The following CNGB1 variants were observed in gnomAD, a reference collection of about 807,000 sequenced individuals.
The protein encoded by CNGB1 is cyclic nucleotide-gated channel beta-1.
CNGB1 carries 126 observed loss-of-function variants against 151.7 expected under a neutral mutation model. The observed-to-expected ratio is 0.83, with a 90% CI of 0.72 to 0.96. The LOEUF (loss-of-function observed/expected upper bound fraction) is 0.96. Among genes scored for constraint, CNGB1 ranks in the 40% least tolerant of loss-of-function variants. CNGB1 has a pLI of 0.00. For missense variants in CNGB1, 1,698 were observed against 1,627.0 expected (o/e 1.04, Z -0.75); for synonymous variants, 623 against 635.1 (o/e 0.98, Z 0.29).
intron 18 of CNGB1, 58 bp downstream of exon 18, chr16:57,923,215 C>A (rs1005804472): frequency 2.3e-5 from 30 of 1,308,174 alleles, no homozygotes; most frequent in African/African-American, 1.5e-4. Flanking sequence ...CTAGCCCCCC[C>A]ACATCCCCCA....
intron 16 of CNGB1, among the ~76,000 whole-genome samples, chr16:57,933,369 C>A (rs1961410425): frequency 6.6e-6 from 1 of 152,176 alleles, no homozygotes; most frequent in Non-Finnish European, 1.5e-5. Context: ...CCAGGGGCCC[C>A]CAAATTCATC....
At position 57,911,016 on chromosome 16, in the gene CNGB1, CTGAT is replaced by C. The variant is rs540879191; in HGVS notation, c.2492+733_2492+736del. Reference sequence around the variant, plus strand: ...AAGTCTCATAATGGATGGTGGCTCTCTGATTGGCAAGTGGGTCTCACCTCATTCG... The same window carrying C: ...AAGTCTCATAATGGATGGTGGCTCTCTGGCAAGTGGGTCTCACCTCATTCG... On this transcript the variant is annotated intron_variant, in intron 25 of 32. Coordinates refer to ENST00000251102, the MANE Select transcript of CNGB1 (RefSeq NM_001297.5). Among the ~76,000 whole-genome samples, 13 of 152,272 alleles carry C rather than the reference CTGAT, an allele frequency of 8.5e-5. No individual in the cohort carries two copies. In the East Asian group the frequency reaches 2.5e-3, roughly 29 times the overall value.
At position 57,917,339 on chromosome 16, in the gene CNGB1, C is replaced by T. The variant is rs746268207; in HGVS notation, c.2095G>A (p.Asp699Asn). 2.5e-6 allele frequency: 4 copies of T among 1,614,030 alleles called. No homozygotes were observed. The highest frequency in any genetic ancestry group is 1.1e-5 in the South Asian group (1 of 91,080). The part of the protein sequence containing the change: ...HHWLLMDYLC[D>N]LIYFLDITVF... Reference sequence around the variant, plus strand: ...GTGATGTCCAGGAAGTAGATGAGGTCGCATAGGTAATCCATCAGCAGCCAG... The same window carrying T: ...GTGATGTCCAGGAAGTAGATGAGGTTGCATAGGTAATCCATCAGCAGCCAG... Residue 699 changes from aspartate (D) to asparagine (N), a missense_variant, in exon 21 of 33, where the codon GAC (aspartate) becomes AAC (asparagine). Asp to Asn is a conservative substitution (Grantham distance 23, BLOSUM62 1). Coordinates refer to ENST00000251102, the MANE Select transcript of CNGB1 (RefSeq NM_001297.5).
intron 29 of CNGB1, among the ~76,000 whole-genome samples, chr16:57,898,386 T>C (rs1960292302): frequency 8.1e-6 from 1 of 123,436 alleles, no homozygotes; most frequent in African/African-American, 5.8e-5. Flanking sequence ...CAAATTGCCT[T>C]TTTTTTTTTG....
intron 17 of CNGB1, among the ~76,000 whole-genome samples, chr16:57,928,729 G>A (rs76376266): frequency 1.3e-4 from 19 of 151,952 alleles, no homozygotes; most frequent in Non-Finnish European, 2.1e-4. Flanking sequence ...CCGCTGCCTC[G>A]CAGGTTCAAA....
chr16:57,941,452 C>T (rs1218051215), intron 14 of CNGB1, among the ~76,000 whole-genome samples: 2 of 152,176 alleles, frequency 1.3e-5, no homozygotes, highest in Admixed American at 6.6e-5. Context: ...TGGAGCCAGC[C>T]GCTTGGCAGC....
intron 18 of CNGB1, among the ~76,000 whole-genome samples, chr16:57,921,030 T>C (rs980397040): frequency 2.0e-5 from 3 of 152,162 alleles, no homozygotes; most frequent in Non-Finnish European, 4.4e-5. Context: ...GGAATTAAAG[T>C]TTCTGCACTG....
At chr16:57,943,772 G>A (rs987885889) in intron 14 of CNGB1, among the ~76,000 whole-genome samples, 9 of 152,130 alleles carry the variant, frequency 5.9e-5, no homozygotes, top group Admixed American at 3.3e-4. Context: ...AAAAGAATAC[G>A]GAAGTTCCAC....
In CNGB1 at chr16:57,939,408, TCAC is replaced by T. The variant is rs751490125; in HGVS notation, c.1372+19_1372+21del. On this transcript the variant is annotated intron_variant, in intron 16 of 32. Coordinates refer to ENST00000251102, the MANE Select transcript of CNGB1 (RefSeq NM_001297.5). ...ACCTCAGACATTCTTGCGCAACCCATCACCACCACCACCACACCTACCTCCTGA... is the reference window on the plus strand; with the variant it reads ...ACCTCAGACATTCTTGCGCAACCCATCACCACCACCACACCTACCTCCTGA... 1.8e-5 allele frequency: 29 copies of T among 1,613,062 alleles called. No homozygotes were observed. Among genetic ancestry groups the T allele is most frequent in the African/African-American group, 4.0e-5 (3 of 74,814 alleles).
At chr16:57,895,028 AG>A (rs140127612) in intron 31 of CNGB1, among the ~76,000 whole-genome samples, 16,393 of 152,264 alleles carry the variant, frequency 0.11, 962 homozygotes, top group Middle Eastern at 0.2. Flanking sequence ...AACTCTACCT[AG>A]AAGCCTTACT....
intron 16 of CNGB1, among the ~76,000 whole-genome samples, chr16:57,939,211 A>C (rs1422430598): frequency 6.6e-6 from 1 of 152,120 alleles, no homozygotes; most frequent in Non-Finnish European, 1.5e-5. Context: ...GGCCTCAGTG[A>C]AATTCCTTAG....
chr16:57,912,918 G>C lies in CNGB1; in HGVS notation c.2369+12C>G. ...TGTGTGTGCATGCATGCACATGCAG[G>C]GGGAGTCTCACCTGTACACGTAGGC... is the stretch of plus-strand genomic sequence containing the variant. On this transcript the variant is annotated intron_variant, in intron 24 of 32. Transcript: ENST00000251102. The C allele has an allele frequency of 6.2e-7, 1 of 1,613,670 alleles. No homozygotes were observed. The highest frequency in any genetic ancestry group is 8.5e-7 in the Non-Finnish European group (1 of 1,179,642).
intron 17 of CNGB1, among the ~76,000 whole-genome samples, chr16:57,925,063 C>G (rs1037859601): frequency 1.4e-4 from 21 of 152,232 alleles, no homozygotes; most frequent in Admixed American, 7.2e-4. Flanking sequence ...AGTGCAGTGG[C>G]ACGATCTCGG....
intron 19 of CNGB1, 67 bp from the exon 20 acceptor site, chr16:57,919,321 GGTCCC>G: frequency 6.2e-7 from 1 of 1,611,930 alleles, no homozygotes; most frequent in Non-Finnish European, 8.5e-7. Flanking sequence ...CAGAGAGAAG[GGTCCC>G]AACTGCAGAC....
intron 25 of CNGB1, among the ~76,000 whole-genome samples, chr16:57,906,525 G>A (rs1374680942): frequency 6.6e-6 from 1 of 152,136 alleles, no homozygotes; most frequent in Non-Finnish European, 1.5e-5. Context: ...CGGGGCCTTG[G>A]GCAGGGCTGT....
rs540343516 is a variant in CNGB1, at chr16:57,893,822, T to A, written c.3242+3575A>T. Among the ~76,000 whole-genome samples, 399 of 151,952 alleles carry A rather than the reference T, an allele frequency of 2.6e-3. 2 individuals carry two copies. Among genetic ancestry groups the A allele is most frequent in the African/African-American group, 9.4e-3 (389 of 41,416 alleles). On this transcript the variant is annotated intron_variant, in intron 31 of 32. Transcript: ENST00000251102. The stretch of plus-strand genomic sequence containing the variant: ...CTCCATCTCAAAAAAACAAAAAAAA[T>A]TTACAGCAGCAAAGTAGGGGTTATG...
intron 4 of CNGB1, among the ~76,000 whole-genome samples, chr16:57,963,474 C>T (rs2149388247): frequency 6.6e-6 from 1 of 152,346 alleles, no homozygotes; most frequent in East Asian, 1.9e-4. Context: ...ACACATCGTG[C>T]TCCCAAAGGG....
At chr16:57,912,833 G>A in intron 24 of CNGB1, 97 bp downstream of exon 24, 2 of 1,189,744 alleles carry the variant, frequency 1.7e-6, no homozygotes, top group South Asian at 2.5e-5. Context: ...TGTGTGTGTT[G>A]TGTGTGTGTC....
At chr16:57,904,641 A>G in intron 26 of CNGB1, 93 bp downstream of exon 26, 1 of 1,576,372 alleles carries the variant, frequency 6.3e-7, no homozygotes. Flanking sequence ...GCTTAATCCA[A>G]AAGCAACGGG....
Sources: allele counts gnomAD v4.1 joint callset (sites outside exome capture counted in the v4.1 genomes callset), GRCh38; gene constraint gnomAD v4.1.1; transcripts MANE v1.5; gene names NCBI Gene and HGNC (gene_info 2026-07-23, HGNC 2026-07-21).